The following GNB1L variants were observed in gnomAD, a reference collection of about 807,000 sequenced individuals.
GNB1L encodes guanine nucleotide-binding protein subunit beta-like protein 1.
Under a neutral mutation model 29.1 loss-of-function variants are expected in GNB1L, and 20 were observed. The observed-to-expected ratio is 0.69, with a 90% confidence interval of 0.48 to 1.00. The LOEUF is 1.00. Ranked by LOEUF, GNB1L falls within the 50% of genes least tolerant of loss-of-function variation. The probability of loss-of-function intolerance (pLI) is 0.00; values close to 1 mark genes in which losing one functional copy is unlikely to be tolerated. For missense variants in GNB1L, 421 were observed against 464.9 expected (o/e 0.91, Z 0.87); for synonymous variants, 193 against 206.5 (o/e 0.93, Z 0.56).
chr22:19,842,354 A>T (rs904962269), intron 2 of GNB1L, among the ~76,000 whole-genome samples: 5 of 152,174 alleles, frequency 3.3e-5, no homozygotes, highest in Non-Finnish European at 7.4e-5. Context: ...ACCCTTCCCC[A>T]TCTCTGAAAT....
chr22:19,821,505 G>A (rs1937579109), intron 2 of GNB1L, 130 bp from the exon 3 acceptor site: 3 of 889,690 alleles, frequency 3.4e-6, no homozygotes, highest in Non-Finnish European at 5.1e-6. Flanking sequence ...CCTCCTGGGA[G>A]AGAGGTGCCA....
rs996356170 is a variant in GNB1L, at chr22:19,851,657, T to C, written c.-21+2786A>G. 5 of 1,594,628 alleles carry C rather than the reference T, an allele frequency of 3.1e-6. No homozygotes were observed. In the Admixed American group the frequency reaches 6.9e-5, roughly 22 times the overall value. Reference sequence around the variant, plus strand: ...AGGCAGCTGAGGGGCCACTGGCAGCTGGCTGGAGGCCAGGGGCAGGGGACA... The same window carrying C: ...AGGCAGCTGAGGGGCCACTGGCAGCCGGCTGGAGGCCAGGGGCAGGGGACA... On this transcript the variant is annotated intron_variant, in intron 2 of 7. Transcript: ENST00000329517.
chr22:19,805,837 C>A (rs1014327404), intron 6 of GNB1L, among the ~76,000 whole-genome samples: 4 of 152,090 alleles, frequency 2.6e-5, no homozygotes, highest in African/African-American at 9.7e-5. Context: ...TGACTTAGGG[C>A]CTGGGAAGAG....
chr22:19,812,939 T>C (rs78651973), intron 4 of GNB1L, among the ~76,000 whole-genome samples: 4,184 of 152,164 alleles, frequency 0.027, 146 homozygotes, highest in African/African-American at 0.083. Flanking sequence ...AGTGGGTGAA[T>C]TAGTTTCTCA....
chr22:19,820,832 G>C, intron 3 of GNB1L, 109 bp from the exon 4 acceptor site: 1 of 1,318,878 alleles, frequency 7.6e-7, no homozygotes, highest in East Asian at 2.3e-5. Context: ...GGCTGGTTGA[G>C]CTGAAAAGCC....
In GNB1L at chr22:19,818,646, T is replaced by C. The variant is rs75893098; in HGVS notation, c.254+1952A>G. 7.7e-3 allele frequency among the ~76,000 whole-genome samples: 1,180 copies of C among 152,338 alleles called. 23 individuals carry two copies. The South Asian group carries it at 0.086, about 11-fold the overall frequency. On this transcript the variant is annotated intron_variant, in intron 4 of 7. Coordinates refer to ENST00000329517, the MANE Select transcript of GNB1L (RefSeq NM_053004.3). ...GACAGGCCTCATTCTCCAGGGACTA[T>C]ACTCCACAGTGCCATGAACCAGGCA...
intron 5 of GNB1L, among the ~76,000 whole-genome samples, chr22:19,808,634 C>A (rs1301572192): frequency 2.0e-5 from 3 of 152,202 alleles, no homozygotes; most frequent in Non-Finnish European, 4.4e-5. Flanking sequence ...TGCCACTGAG[C>A]CTGGCACAGA....
rs1178495062 is a variant in GNB1L at position 19,787,120 on chromosome 22, C to T, written c.*1589G>A. ...ACAGGACTCCTCAAGGACTCCGGGC[C>T]CCCCAGCAACCATGTTCCTCACAGT... On this transcript the variant is annotated 3_prime_UTR_variant, in exon 8 of 8. Transcript: ENST00000329517. 6.6e-6 allele frequency: 1 copy of T among 152,266 alleles called. No homozygotes were observed. The highest frequency in any genetic ancestry group is 1.5e-5 in the Non-Finnish European group (1 of 68,090). The allele number at this position is 152,266 out of a possible 1,614,324, so 9.4% of individuals were successfully genotyped here.
chr22:19,786,765 G>A lies in GNB1L; in HGVS notation c.*1944C>T. 1 of 152,402 alleles carries A rather than the reference G, an allele frequency of 6.6e-6. No homozygotes were observed. Among genetic ancestry groups the A allele is most frequent in the Non-Finnish European group, 1.5e-5 (1 of 68,094 alleles). The allele number at this position is 152,402 out of a possible 1,614,324, so 9.4% of individuals were successfully genotyped here. ...CCCTCACTGTGACAGCCTGTGATGA[G>A]CACCCAGGGCACAGCTCCCTCAGCA... On this transcript the variant is annotated 3_prime_UTR_variant, in exon 8 of 8. Transcript: ENST00000329517.
chr22:19,795,830 C>T (rs961558321), intron 7 of GNB1L, among the ~76,000 whole-genome samples: 2 of 152,190 alleles, frequency 1.3e-5, no homozygotes, highest in African/African-American at 4.8e-5. Flanking sequence ...GCTCAGAGAA[C>T]GGCCCCTCAG....
chr22:19,801,430 C>T (rs1256306631), intron 7 of GNB1L, among the ~76,000 whole-genome samples: 1 of 148,194 alleles, frequency 6.7e-6, no homozygotes, highest in African/African-American at 2.4e-5. Flanking sequence ...GGCCAGGCCA[C>T]CCTGGAGCCA....
chr22:19,796,306 C>T (rs567180413), intron 7 of GNB1L, among the ~76,000 whole-genome samples: 23 of 152,300 alleles, frequency 1.5e-4, no homozygotes, highest in Admixed American at 3.3e-4. Context: ...GGCCTCTCTG[C>T]GCCTGCTGGG....
intron 7 of GNB1L, 67 bp from the exon 8 acceptor site, chr22:19,789,027 C>G (rs1937222270): frequency 1.3e-6 from 2 of 1,497,146 alleles, no homozygotes; most frequent in African/African-American, 2.8e-5. Context: ...CCCTGGTGCC[C>G]CACCTGCAGC....
chr22:19,788,838 C>T lies in GNB1L; in HGVS notation c.855G>A (p.Met285Ile). 6.2e-7 allele frequency: 1 copy of T among 1,612,522 alleles called. No individual in the cohort carries two copies. Residue 285 changes from methionine (M) to isoleucine (I), a missense_variant, in exon 8 of 8, where the codon ATG (methionine) becomes ATA (isoleucine). Physicochemically the swap from Met to Ile is conservative, Grantham distance 10 (BLOSUM62 1). Transcript: ENST00000329517. ...GGAAGGCCAGCACGGCCAGTGGCTGCATCGTCCGCCAGTGGAACACGCGGA... is the reference window on the plus strand; with the variant it reads ...GGAAGGCCAGCACGGCCAGTGGCTGTATCGTCCGCCAGTGGAACACGCGGA... Reference protein sequence around the residue: ...HRIRVFHWRTMQPLAVLAFHS... With the variant: ...HRIRVFHWRTIQPLAVLAFHS...
intron 2 of GNB1L, among the ~76,000 whole-genome samples, chr22:19,840,735 G>A (rs867302380): frequency 4.6e-5 from 7 of 151,700 alleles, no homozygotes; most frequent in Admixed American, 6.6e-5. Context: ...GCTTGAACCC[G>A]ACAGGCAGAG....
At chr22:19,800,489 C>T (rs533101851) in intron 7 of GNB1L, among the ~76,000 whole-genome samples, 5 of 152,302 alleles carry the variant, frequency 3.3e-5, no homozygotes, top group East Asian at 3.9e-4. Context: ...GCAAGGGAGA[C>T]GCCCCTTCCA....
intron 5 of GNB1L, among the ~76,000 whole-genome samples, chr22:19,811,190 C>T (rs1445323854): frequency 6.6e-6 from 1 of 152,184 alleles, no homozygotes; most frequent in Non-Finnish European, 1.5e-5. Flanking sequence ...AAATAAATGC[C>T]TGTTCCTATC....
Position 19,807,210 on chromosome 22 carries a change from C to T in GNB1L, c.418-453G>A, listed in dbSNP as rs73877348. Reference sequence around the variant, plus strand: ...AGCTCCGGGAAACCTGGCTCCCCCACCTGGACGCCCCGGTGTCCCCTGTGC... The same window carrying T: ...AGCTCCGGGAAACCTGGCTCCCCCATCTGGACGCCCCGGTGTCCCCTGTGC... On this transcript the variant is annotated intron_variant, in intron 5 of 7. Transcript: ENST00000329517. Among the ~76,000 whole-genome samples, 667 of 152,330 alleles carry T rather than the reference C, an allele frequency of 4.4e-3. 4 individuals are homozygous for T. The highest frequency in any genetic ancestry group is 0.015 in the African/African-American group (638 of 41,576).
At chr22:19,803,550 G>A (rs1937399256) in intron 6 of GNB1L, among the ~76,000 whole-genome samples, 1 of 152,170 alleles carries the variant, frequency 6.6e-6, no homozygotes, top group South Asian at 2.1e-4. Flanking sequence ...GTTCCATGTT[G>A]GCACCTTTCA....
Sources: gnomAD v4.1 joint callset for allele counts (sites outside exome capture counted in the v4.1 genomes callset) on GRCh38, gnomAD v4.1.1 for gene constraint, MANE v1.5 for transcripts, NCBI Gene and HGNC (gene_info 2026-07-23, HGNC 2026-07-21) for gene names.